Variants in CFDP1 observed in about 807,000 individuals in gnomAD.
CFDP1 encodes the protein heterochromatin-stabilizing protein CFDP1.
CFDP1 carries 31 observed loss-of-function variants against 40.1 expected under a neutral mutation model. That is an observed-to-expected ratio of 0.77 (90% CI 0.58 to 1.04). The LOEUF (loss-of-function observed/expected upper bound fraction) is 1.04, where lower values mean the gene tolerates loss of function less well. Ranked by LOEUF, CFDP1 falls within the 50% of genes least tolerant of loss-of-function variation. The pLI is 0.00. For missense variants in CFDP1, 423 were observed against 343.4 expected (o/e 1.23, Z -1.83); for synonymous variants, 167 against 120.0 (o/e 1.39, Z -2.56).
At chr16:75,430,613 G>A (rs145966147) in intron 1 of CFDP1, among the ~76,000 whole-genome samples, 11 of 151,894 alleles carry the variant, frequency 7.2e-5, no homozygotes, top group East Asian at 1.9e-4. Context: ...ACAGGCGCCC[G>A]TCACCACACT....
intron 5 of CFDP1, among the ~76,000 whole-genome samples, chr16:75,389,194 C>G (rs1401410373): frequency 6.6e-6 from 1 of 152,170 alleles, no homozygotes. Flanking sequence ...AGCCAGATAC[C>G]AGCAAATGCT....
intron 1 of CFDP1, chr16:75,418,939 A>G (rs2079243315): frequency 5.2e-6 from 1 of 193,466 alleles, no homozygotes; most frequent in African/African-American, 2.3e-5. Context: ...CATGAGTTCG[A>G]GACCAGCCTG....
chr16:75,406,260 C>G (rs2079098233), intron 4 of CFDP1, among the ~76,000 whole-genome samples: 1 of 151,924 alleles, frequency 6.6e-6, no homozygotes, highest in African/African-American at 2.4e-5. Context: ...GCCTATATTC[C>G]CAGGTATCAG....
intron 4 of CFDP1, among the ~76,000 whole-genome samples, chr16:75,397,525 G>A (rs1267886607): frequency 1.3e-5 from 2 of 148,418 alleles, no homozygotes; most frequent in East Asian, 2.0e-4. Context: ...ACAACAGGCC[G>A]GGGGCAGTGG....
intron 5 of CFDP1, among the ~76,000 whole-genome samples, chr16:75,376,224 C>G (rs1225833940): frequency 6.6e-6 from 1 of 152,120 alleles, no homozygotes; most frequent in African/African-American, 2.4e-5. Context: ...AAAACCAAAT[C>G]AAAACCAAAA....
chr16:75,421,233 C>T (rs1244640534), intron 1 of CFDP1, among the ~76,000 whole-genome samples: 1 of 152,162 alleles, frequency 6.6e-6, no homozygotes, highest in Non-Finnish European at 1.5e-5. Flanking sequence ...TCTGGCCTTG[C>T]AGAGTCCCTG....
intron 6 of CFDP1, among the ~76,000 whole-genome samples, chr16:75,295,978 C>T (rs990628410): frequency 1.3e-5 from 2 of 152,146 alleles, no homozygotes; most frequent in Non-Finnish European, 2.9e-5. Flanking sequence ...GTCATCTTTC[C>T]ACCCCAGCCC....
chr16:75,415,399 C>A (rs1264360064), intron 1 of CFDP1, among the ~76,000 whole-genome samples: 1 of 152,160 alleles, frequency 6.6e-6, no homozygotes. Context: ...AAAAAGCACA[C>A]AAATCTAATA....
At chr16:75,422,107 T>C (rs927149495) in intron 1 of CFDP1, among the ~76,000 whole-genome samples, 1 of 152,136 alleles carries the variant, frequency 6.6e-6, no homozygotes, top group Non-Finnish European at 1.5e-5. Flanking sequence ...CTCTCTCTCT[T>C]TTTTTTGAGA....
At chr16:75,316,569 TAAAAAAAAAA>T (rs780200659) in intron 5 of CFDP1, among the ~76,000 whole-genome samples, 2 of 26,580 alleles carry the variant, frequency 7.5e-5, no homozygotes, top group East Asian at 1.2e-3. Context: ...AGACCCTGTC[TAAAAAAAAAA>T]AAAAAAAAAA....
At chr16:75,393,119 C>T (rs1178447705) in intron 5 of CFDP1, among the ~76,000 whole-genome samples, 1 of 152,206 alleles carries the variant, frequency 6.6e-6, no homozygotes, top group Non-Finnish European at 1.5e-5. Context: ...GTGGAAGCAG[C>T]TCTGAGCCAA....
At chr16:75,422,148 G>A (rs2079287535) in intron 1 of CFDP1, among the ~76,000 whole-genome samples, 2 of 152,094 alleles carry the variant, frequency 1.3e-5, no homozygotes, top group Non-Finnish European at 2.9e-5. Context: ...CCAGGCTGGA[G>A]TGCAATGGTG....
intron 4 of CFDP1, among the ~76,000 whole-genome samples, chr16:75,400,106 A>G (rs2079037515): frequency 6.6e-6 from 1 of 150,570 alleles, no homozygotes; most frequent in Admixed American, 6.6e-5. Flanking sequence ...CATCTCAAAA[A>G]AAAAAAAAAA....
At chr16:75,361,822 C>T (rs746113359) in intron 5 of CFDP1, among the ~76,000 whole-genome samples, 1 of 152,184 alleles carries the variant, frequency 6.6e-6, no homozygotes, top group Non-Finnish European at 1.5e-5. Context: ...TTGAATTTCT[C>T]AACGTCTGTT....
intron 5 of CFDP1, among the ~76,000 whole-genome samples, chr16:75,390,186 G>A (rs2078935334): frequency 6.6e-6 from 1 of 152,120 alleles, no homozygotes; most frequent in African/African-American, 2.4e-5. Context: ...GCTCCTGGTT[G>A]GCCCCTAGAT....
At chr16:75,410,555 C>T (rs900535419) in intron 4 of CFDP1, among the ~76,000 whole-genome samples, 1 of 151,844 alleles carries the variant, frequency 6.6e-6, no homozygotes, top group South Asian at 2.1e-4. Flanking sequence ...AGGCGGATCA[C>T]GAGGTCAGGA....
At chr16:75,303,763 T>C (rs1396050194) in intron 6 of CFDP1, among the ~76,000 whole-genome samples, 1 of 152,218 alleles carries the variant, frequency 6.6e-6, no homozygotes, top group Non-Finnish European at 1.5e-5. Flanking sequence ...GCAATACATA[T>C]ATTATCTCAT....
chr16:75,357,474 C>T (rs916606251), intron 5 of CFDP1, among the ~76,000 whole-genome samples: 1 of 152,018 alleles, frequency 6.6e-6, no homozygotes, highest in African/African-American at 2.4e-5. Flanking sequence ...AGGCTGGTCT[C>T]GAACTCCTGA....
At chr16:75,310,386 A>C (rs574635117) in intron 5 of CFDP1, among the ~76,000 whole-genome samples, 1 of 152,344 alleles carries the variant, frequency 6.6e-6, no homozygotes, top group South Asian at 2.1e-4. Context: ...ATAACACCAG[A>C]CACCAACCAA....
Sources: gnomAD v4.1 joint callset for allele counts (sites outside exome capture counted in the v4.1 genomes callset) on GRCh38, gnomAD v4.1.1 for gene constraint, MANE v1.5 for transcripts, NCBI Gene and HGNC (gene_info 2026-07-23, HGNC 2026-07-21) for gene names.